FGD6: variants seen among roughly 807,000 people sequenced by gnomAD.
The protein encoded by FGD6 is FYVE, RhoGEF and PH domain-containing protein 6.
FGD6 carries 90 observed loss-of-function variants against 149.4 expected under a neutral mutation model. The observed-to-expected ratio is 0.60, with a 90% CI of 0.51 to 0.72. The LOEUF is 0.72. FGD6 is among the 30% of genes least tolerant of loss of function. FGD6 has a pLI of 0.00. For missense variants in FGD6, 1,437 were observed against 1,684.8 expected (o/e 0.85, Z 2.57); for synonymous variants, 527 against 584.0 (o/e 0.90, Z 1.41).
At chr12:95,201,023 T>C (rs1481469657) in intron 2 of FGD6, among the ~76,000 whole-genome samples, 3 of 139,270 alleles carry the variant, frequency 2.2e-5, no homozygotes, top group Non-Finnish European at 3.2e-5. Context: ...TCTAGTCTGC[T>C]TTTTTTTTTT....
rs1880184435 is a variant in FGD6 at position 95,149,203 on chromosome 12, TATTATATATTATATAATATATAGCA to T, written c.2685+3583_2685+3607del. ...ATTATATAATATATAGCATATATAA[TATTATATATTATATAATATATAGCA>T]TATATATTATATAATATATAGCATA... On this transcript the variant is annotated intron_variant, in intron 5 of 20. Coordinates refer to ENST00000343958, the MANE Select transcript of FGD6 (RefSeq NM_018351.4). Among the ~76,000 whole-genome samples the T allele has an allele frequency of 6.9e-5, 2 of 29,052 alleles. 1 individual carries two copies. The highest frequency in any genetic ancestry group is 1.1e-4 in the Non-Finnish European group (2 of 18,654). 19.1% of individuals were successfully genotyped at this position (29,052 alleles called of 152,430 possible). A position where few individuals can be genotyped will look rare whatever the true frequency, so the allele number is the denominator to read the frequency against.
chr12:95,092,736 A>G lies in FGD6; in HGVS notation c.3710T>C (p.Leu1237Pro). The G allele has an allele frequency of 2.5e-6, 4 of 1,614,114 alleles. No homozygotes were observed. Among genetic ancestry groups the G allele is most frequent in the Non-Finnish European group, 2.5e-6 (3 of 1,180,032 alleles). Residue 1237 changes from leucine (L) to proline (P), a missense_variant, in exon 16 of 21, where the codon CTC becomes CCC. Leu to Pro is a moderately conservative substitution (Grantham distance 98). Transcript: ENST00000343958. ...MCMICTSEFT[L>P]TWRRHHCRAC... ...CCGGCAGTGGTGTCGTCTCCAGGTG[A>G]GAGTGAATTCGCTTGTGCAGATCAT...
chr12:95,196,589 G>C (rs1300798979), intron 2 of FGD6, among the ~76,000 whole-genome samples: 1 of 151,790 alleles, frequency 6.6e-6, no homozygotes, highest in African/African-American at 2.4e-5. Context: ...CTTAAAACAA[G>C]ACAAACCAAG....
chr12:95,085,891 C>T lies in FGD6; in HGVS notation c.3996G>A (p.Glu1332=). ...AALKEVSANT[E]DSSMSGYLYR... ...ACAAGTAGCCACTCATAGAAGAATCCTCTGTGTTTGCTGATACCTAGATAA... is the reference window on the plus strand; with the variant it reads ...ACAAGTAGCCACTCATAGAAGAATCTTCTGTGTTTGCTGATACCTAGATAA... Residue 1332 remains glutamate, a synonymous_variant, in exon 19 of 21, where the codon GAG becomes GAA. Transcript: ENST00000343958. The T allele has an allele frequency of 6.2e-7, 1 of 1,607,312 alleles. No individual in the cohort carries two copies. Among genetic ancestry groups the T allele is most frequent in the Non-Finnish European group, 8.5e-7 (1 of 1,178,096 alleles).
intron 5 of FGD6, among the ~76,000 whole-genome samples, chr12:95,149,555 T>TTTCCC (rs1157769882): frequency 1.4e-5 from 2 of 139,520 alleles, no homozygotes; most frequent in Non-Finnish European, 3.0e-5. Context: ...ATATATATAG[T>TTTCCC]ATAATATGTA....
intron 2 of FGD6, among the ~76,000 whole-genome samples, chr12:95,201,746 TCTCA>T (rs2056663588): frequency 1.3e-5 from 2 of 152,172 alleles, no homozygotes; most frequent in African/African-American, 2.4e-5. Flanking sequence ...GCAATGTTTG[TCTCA>T]CTGATTAACT....
In FGD6 at chr12:95,094,680, C is replaced by G; in HGVS notation, c.3512G>C (p.Arg1171Thr). ...GGAAATCGCTTCTAGCCATTCATCC[C>G]TTTCTGTGGCAGAACTGTTGGGGGC... ...FILSASSATE[R>T]DEWLEAISRA... Residue 1171 changes from arginine to threonine, a missense_variant, in exon 15 of 21, where the codon AGG (arginine) becomes ACG (threonine). By Grantham distance (71) the Arg-to-Thr change is moderately conservative. Coordinates refer to ENST00000343958, the MANE Select transcript of FGD6 (RefSeq NM_018351.4). 6.2e-7 allele frequency: 1 copy of G among 1,613,368 alleles called. No homozygotes were observed.
intron 15 of FGD6, among the ~76,000 whole-genome samples, chr12:95,094,096 T>A (rs1258223492): frequency 6.6e-6 from 1 of 151,446 alleles, no homozygotes; most frequent in Middle Eastern, 3.2e-3. Context: ...GAGGCAGAGG[T>A]TGCAGTGAGC....
At chr12:95,117,861 G>A (rs1424114434) in intron 8 of FGD6, among the ~76,000 whole-genome samples, 1 of 152,118 alleles carries the variant, frequency 6.6e-6, no homozygotes, top group Non-Finnish European at 1.5e-5. Flanking sequence ...GGCCAACATG[G>A]TGAAACCCTG....
intron 2 of FGD6, among the ~76,000 whole-genome samples, chr12:95,190,843 G>A (rs1482218592): frequency 2.0e-5 from 3 of 152,072 alleles, no homozygotes; most frequent in Non-Finnish European, 2.9e-5. Context: ...TTGAGGCCAG[G>A]AGTTTGAGAC....
rs199855916 is a variant in FGD6 at position 95,195,946 on chromosome 12, ACC to A, written c.2441+12895_2441+12896del. On this transcript the variant is annotated intron_variant, in intron 2 of 20. Coordinates refer to ENST00000343958, the MANE Select transcript of FGD6 (RefSeq NM_018351.4). ...GATCAGTGTGGCCAAACATGGCCAA[ACC>A]CCGTTTCTACTAAATATATAAAAAT... 1.2e-3 allele frequency among the ~76,000 whole-genome samples: 176 copies of A among 151,916 alleles called. 4 individuals carry two copies. The East Asian group carries it at 0.02, about 17-fold the overall frequency.
At chr12:95,129,839 A>G (rs1489399835) in intron 8 of FGD6, among the ~76,000 whole-genome samples, 1 of 151,776 alleles carries the variant, frequency 6.6e-6, no homozygotes, top group Non-Finnish European at 1.5e-5. Flanking sequence ...CGCCCAGCTA[A>G]TTTTTGTTTT....
intron 20 of FGD6, among the ~76,000 whole-genome samples, chr12:95,082,270 GT>G (rs1240939057): frequency 5.3e-5 from 8 of 152,066 alleles, no homozygotes; most frequent in Non-Finnish European, 1.0e-4. Flanking sequence ...AGCTATCAGA[GT>G]TTCCTTGTAT....
intron 2 of FGD6, among the ~76,000 whole-genome samples, chr12:95,208,311 G>T (rs549348761): frequency 6.6e-6 from 1 of 152,006 alleles, no homozygotes; most frequent in East Asian, 1.9e-4. Flanking sequence ...GAGTAGTTAC[G>T]TGTTTCCTGC....
intron 8 of FGD6, among the ~76,000 whole-genome samples, chr12:95,123,638 T>C (rs1406103088): frequency 6.6e-6 from 1 of 151,776 alleles, no homozygotes. Context: ...CTCTGCTTAC[T>C]GCAAGCTCCG....
In FGD6 at chr12:95,108,431, C is replaced by CA. The variant is rs747713252; in HGVS notation, c.3193-13dup. 6.2e-7 allele frequency: 1 copy of CA among 1,613,986 alleles called. No homozygotes were observed. The highest frequency in any genetic ancestry group is 2.2e-5 in the East Asian group (1 of 44,874). On this transcript the variant is annotated splice_polypyrimidine_tract_variant and intron_variant, in intron 10 of 20. Coordinates refer to ENST00000343958, the MANE Select transcript of FGD6 (RefSeq NM_018351.4). ...TTCTGAAAGTTGTCCTACAGAAAGA[C>CA]AATGGAAAGCATATGAAGGCCTGGG...
In FGD6 at chr12:95,209,716, G is replaced by A; in HGVS notation, c.1568C>T (p.Ser523Phe). The A allele has an allele frequency of 1.2e-6, 2 of 1,614,040 alleles. No individual in the cohort carries two copies. Among genetic ancestry groups the A allele is most frequent in the South Asian group, 2.2e-5 (2 of 91,066 alleles). The change falls in exon 2 of 21, where the codon TCT becomes TTT. Residue 523 changes from serine (S) to phenylalanine (F), a missense_variant. By Grantham distance (155) the Ser-to-Phe change is radical. This residue lies in a region of FGD6 where 1,055 missense variants were observed against 1,146.0 expected (regional missense o/e 0.92). Transcript: ENST00000343958. ...AASEELLEKS[S>F]YPSSEEKSSE... ...ACTTTTTTCTTCACTTGAAGGATAAGAACTTTTTTCCAAAAGCTCCTCGGA... is the reference window on the plus strand; with the variant it reads ...ACTTTTTTCTTCACTTGAAGGATAAAAACTTTTTTCCAAAAGCTCCTCGGA...
At chr12:95,135,127 G>C (rs941461432) in intron 7 of FGD6, among the ~76,000 whole-genome samples, 1 of 152,144 alleles carries the variant, frequency 6.6e-6, no homozygotes, top group Non-Finnish European at 1.5e-5. Context: ...AGGCTAGTTA[G>C]AGCCCACCCT....
intron 16 of FGD6, among the ~76,000 whole-genome samples, chr12:95,092,462 A>C (rs1297482634): frequency 6.6e-6 from 1 of 152,184 alleles, no homozygotes; most frequent in Non-Finnish European, 1.5e-5. Context: ...ATCAGTTATT[A>C]CTGATGTTCT....
Sources: allele counts gnomAD v4.1 joint callset (sites outside exome capture counted in the v4.1 genomes callset), GRCh38; gene constraint gnomAD v4.1.1; regional missense constraint gnomAD v4.1.1; transcripts MANE v1.5; gene names NCBI Gene and HGNC (gene_info 2026-07-23, HGNC 2026-07-21).